PRKN: variants seen among roughly 807,000 people sequenced by gnomAD.
The protein encoded by PRKN is parkin RBR E3 ubiquitin protein ligase.
A neutral mutation model predicts 59.5 loss-of-function variants in PRKN; 56 were observed. That is an observed-to-expected ratio of 0.94 (90% CI 0.76 to 1.18). The LOEUF is 1.18. Ranked by LOEUF, PRKN falls within the 50% of genes most tolerant of loss-of-function variation. PRKN has a pLI of 0.00. For missense variants in PRKN, 657 were observed against 596.4 expected, an observed-to-expected ratio of 1.10 and a Z score of -1.06; for synonymous variants, 250 against 222.1, an observed-to-expected ratio of 1.13 and a Z score of -1.12.
chr6:162,100,995 G>A (rs753570277), intron 4 of PRKN, among the ~76,000 whole-genome samples: 10 of 152,048 alleles, frequency 6.6e-5, no homozygotes, highest in Non-Finnish European at 1.3e-4. Flanking sequence ...CTTATCAAAT[G>A]TATGGTTGGC....
chr6:161,902,564 A>ATCTTTTTTTTTTTTTTTT (rs1242030157), intron 6 of PRKN, among the ~76,000 whole-genome samples: 2 of 112,046 alleles, frequency 1.8e-5, no homozygotes, highest in African/African-American at 3.4e-5. Flanking sequence ...TTATTTATTT[A>ATCTTTTTTTTTTTTTTTT]TTTTTTTTTT....
intron 5 of PRKN, among the ~76,000 whole-genome samples, chr6:162,014,621 C>T (rs962591697): frequency 1.3e-5 from 2 of 152,114 alleles, no homozygotes; most frequent in Non-Finnish European, 2.9e-5. Context: ...GCTGGTGCTT[C>T]CTCCCTATAC....
At chr6:162,467,138 C>A (rs966940969) in intron 1 of PRKN, among the ~76,000 whole-genome samples, 23 of 152,116 alleles carry the variant, frequency 1.5e-4, no homozygotes, top group Non-Finnish European at 2.9e-5. Context: ...GTTTAAAAAT[C>A]ACACGTAATC....
At chr6:161,493,564 C>T (rs1020481501) in intron 9 of PRKN, among the ~76,000 whole-genome samples, 3 of 152,090 alleles carry the variant, frequency 2.0e-5, no homozygotes, top group Non-Finnish European at 2.9e-5. Flanking sequence ...GAAGGACTAA[C>T]GGGGGTTGCA....
intron 5 of PRKN, among the ~76,000 whole-genome samples, chr6:162,010,250 C>T (rs1399184197): frequency 1.7e-5 from 2 of 115,548 alleles, no homozygotes; most frequent in Non-Finnish European, 3.5e-5. Context: ...ATTTATTATA[C>T]ATAATATATA....
In PRKN at chr6:162,562,674, A is replaced by G. The variant is rs1038365428; in HGVS notation, c.8-119201T>C. On this transcript the variant is annotated intron_variant, in intron 1 of 11. Coordinates refer to ENST00000366898, the MANE Select transcript of PRKN (RefSeq NM_004562.3). ...TTTGTGTTTTGAGTGTCAGCTCAGC[A>G]GCAATACCAGGTTGATGTCTAAGAC... Among the ~76,000 whole-genome samples, 5 of 152,160 alleles carry G rather than the reference A, an allele frequency of 3.3e-5. No individual in the cohort carries two copies. In the East Asian group the frequency reaches 9.7e-4, roughly 29 times the overall value.
chr6:161,733,802 A>ATATG (rs1335535308), intron 7 of PRKN, among the ~76,000 whole-genome samples: 14 of 118,878 alleles, frequency 1.2e-4, no homozygotes, highest in African/African-American at 5.6e-4. Context: ...ATATATGTAT[A>ATATG]TATATATATA....
At chr6:162,568,337 T>C (rs534234555) in intron 1 of PRKN, 59 of 336,752 alleles carry the variant, frequency 1.8e-4, no homozygotes, top group African/African-American at 1.0e-3. Flanking sequence ...TTCTGGAATC[T>C]CTGCCTGGTT....
intron 7 of PRKN, among the ~76,000 whole-genome samples, chr6:161,604,825 C>T (rs930050894): frequency 4.6e-5 from 7 of 152,104 alleles, no homozygotes; most frequent in East Asian, 3.9e-4. Flanking sequence ...ATTCCAGCTA[C>T]GCAGGAGGCT....
chr6:162,015,947 C>G (rs938199145), intron 5 of PRKN, among the ~76,000 whole-genome samples: 7 of 152,038 alleles, frequency 4.6e-5, no homozygotes, highest in African/African-American at 1.7e-4. Flanking sequence ...CGAAACAGAA[C>G]CTTTGTACAA....
intron 6 of PRKN, among the ~76,000 whole-genome samples, chr6:161,817,184 C>A (rs1191716775): frequency 1.3e-5 from 2 of 152,184 alleles, no homozygotes; most frequent in African/African-American, 4.8e-5. Context: ...ACTATAGCTT[C>A]TGAAGGAAAA....
At chr6:161,501,199 A>C (rs1055368755) in intron 9 of PRKN, among the ~76,000 whole-genome samples, 2 of 152,190 alleles carry the variant, frequency 1.3e-5, no homozygotes, top group Non-Finnish European at 2.9e-5. Flanking sequence ...AAACTGCCAG[A>C]CTGTCTTCCA....
Position 161,560,311 on chromosome 6 carries a change from C to A in PRKN, c.933+9044G>T, listed in dbSNP as rs1780410651. 2.0e-5 allele frequency among the ~76,000 whole-genome samples: 3 copies of A among 152,274 alleles called. No individual in the cohort carries two copies. Among genetic ancestry groups the A allele is most frequent in the South Asian group, 4.1e-4 (2 of 4,822 alleles). On this transcript the variant is annotated intron_variant, in intron 8 of 11. Coordinates refer to ENST00000366898, the MANE Select transcript of PRKN (RefSeq NM_004562.3). This position sits in a 1 kb window ranked among gnomAD's most constrained non-coding sequence, Gnocchi z 4.9. ...TTCAAGTGAAGGCTGCTTTTCATTT[C>A]ATATTCACATCTTTCAAGGCCAGAG...
chr6:161,940,795 C>T (rs868578537), intron 6 of PRKN, among the ~76,000 whole-genome samples: 7 of 152,256 alleles, frequency 4.6e-5, no homozygotes, highest in Middle Eastern at 3.4e-3. Flanking sequence ...TCCCTGCAGG[C>T]GCACAATCTA....
chr6:161,434,007 A>C (rs976935841), intron 9 of PRKN, among the ~76,000 whole-genome samples: 4 of 111,164 alleles, frequency 3.6e-5, no homozygotes, highest in Admixed American at 1.0e-4. Flanking sequence ...ACAAGAGCGA[A>C]ACTCCATTAA....
In PRKN at chr6:162,622,172, T is replaced by C. The variant is rs141197201; in HGVS notation, c.7+105490A>G. On this transcript the variant is annotated intron_variant, in intron 1 of 11. Transcript: ENST00000366898. ...TTAGGCATCAACAGTTCCCTTTCCA[T>C]TATTTGGTTTAATACATTTTTACTG... Among the ~76,000 whole-genome samples, 145 of 152,294 alleles carry C rather than the reference T, an allele frequency of 9.5e-4. 5 individuals are homozygous for C. The East Asian group carries it at 0.027, about 28-fold the overall frequency.
chr6:162,011,259 A>G (rs1482727086), intron 5 of PRKN, among the ~76,000 whole-genome samples: 1 of 107,290 alleles, frequency 9.3e-6, no homozygotes, highest in African/African-American at 3.7e-5. Context: ...ATAATATAGT[A>G]TATATTTATA....
Position 162,200,980 on chromosome 6 carries a change from A to C in PRKN, c.534+151T>G, listed in dbSNP as rs1224730083. ...TCCAGAAGACAAAGGCGCATAAACG[A>C]AACTTCGGCTATCATTAACTATCAC... is the stretch of plus-strand genomic sequence containing the variant. On this transcript the variant is annotated intron_variant, in intron 4 of 11. Transcript: ENST00000366898. 1.4e-5 allele frequency: 12 copies of C among 865,844 alleles called. No individual in the cohort carries two copies. In the Admixed American group the frequency reaches 2.5e-4, roughly 18 times the overall value. 53.6% of individuals were successfully genotyped at this position (865,844 alleles called of 1,614,324 possible).
At chr6:161,654,783 G>T (rs946248201) in intron 7 of PRKN, among the ~76,000 whole-genome samples, 1 of 152,170 alleles carries the variant, frequency 6.6e-6, no homozygotes, top group Non-Finnish European at 1.5e-5. Flanking sequence ...GCTTCCCATG[G>T]AGAGAAGGAG....
Sources: gnomAD v4.1 joint callset for allele counts (sites outside exome capture counted in the v4.1 genomes callset) on GRCh38, gnomAD v4.1.1 for gene constraint, Gnocchi (gnomAD v3.1) non-coding constraint, MANE v1.5 for transcripts, NCBI Gene and HGNC (gene_info 2026-07-23, HGNC 2026-07-21) for gene names.